The following SMG6 variants were observed in gnomAD, a reference collection of about 807,000 sequenced individuals.
SMG6 encodes SMG6 nonsense mediated mRNA decay factor.
In SMG6, 66 loss-of-function variants were observed where a neutral mutation model predicts 142.2. The observed-to-expected ratio is 0.46, with a 90% confidence interval of 0.38 to 0.57. SMG6 has a LOEUF of 0.57. Among genes scored for constraint, SMG6 ranks in the 20% least tolerant of loss-of-function variants. The probability of loss-of-function intolerance (pLI) is 0.00; values close to 1 mark genes in which losing one functional copy is unlikely to be tolerated. For missense variants in SMG6, 1,793 were observed against 1,832.0 expected (o/e 0.98, Z 0.39); for synonymous variants, 779 against 702.4 (o/e 1.11, Z -1.72).
intron 13 of SMG6, among the ~76,000 whole-genome samples, chr17:2,143,270 T>A (rs1038771744): frequency 6.6e-6 from 1 of 152,118 alleles, no homozygotes. Flanking sequence ...ACATAAAAAC[T>A]CATACACAAA....
At chr17:2,267,909 G>A (rs1193316500) in intron 8 of SMG6, among the ~76,000 whole-genome samples, 1 of 150,450 alleles carries the variant, frequency 6.6e-6, no homozygotes, top group African/African-American at 2.5e-5. Context: ...CACCACACCC[G>A]GCTAATTTTT....
chr17:2,199,143 C>T (rs16952009), intron 10 of SMG6, among the ~76,000 whole-genome samples: 48,406 of 151,796 alleles, frequency 0.32, 8,177 homozygotes, highest in Admixed American at 0.38. Context: ...AGAAACTGAG[C>T]GAGCAGTTAA....
intron 14 of SMG6, among the ~76,000 whole-genome samples, chr17:2,084,611 G>A (rs1248586909): frequency 6.6e-6 from 1 of 152,290 alleles, no homozygotes; most frequent in East Asian, 1.9e-4. Context: ...TCCTTGGCCT[G>A]TTGCTGACTT....
At chr17:2,243,320 T>C (rs2151299807) in intron 9 of SMG6, among the ~76,000 whole-genome samples, 1 of 152,336 alleles carries the variant, frequency 6.6e-6, no homozygotes, top group South Asian at 2.1e-4. Flanking sequence ...GAACCAAGCC[T>C]TTCCGCTTCT....
intron 9 of SMG6, among the ~76,000 whole-genome samples, chr17:2,241,340 T>G (rs2073796121): frequency 1.3e-5 from 2 of 152,188 alleles, no homozygotes; most frequent in Non-Finnish European, 2.9e-5. Context: ...GAAATTTTCT[T>G]ACACCTAACC....
At position 2,085,261 on chromosome 17, in the gene SMG6, GAGGGAGGGAGGGAACA is replaced by G. The variant is rs1299037722; in HGVS notation, c.3534+448_3534+463del. ...TCCTTAATCACATCAGGATGTGCAGGAGGGAGGGAGGGAACAAGGGAGGGAGGGTAGGGCAGGGGAG... is the reference window on the plus strand; with the variant it reads ...TCCTTAATCACATCAGGATGTGCAGGAGGGAGGGAGGGTAGGGCAGGGGAG... On this transcript the variant is annotated intron_variant, in intron 14 of 18. Coordinates refer to ENST00000263073, the MANE Select transcript of SMG6 (RefSeq NM_017575.5). This position sits in a 1 kb window ranked among gnomAD's most constrained non-coding sequence, Gnocchi z 4.1. 6.6e-6 allele frequency among the ~76,000 whole-genome samples: 1 copy of G among 151,344 alleles called. No homozygotes were observed. The highest frequency in any genetic ancestry group is 1.5e-5 in the Non-Finnish European group (1 of 67,828).
intron 9 of SMG6, chr17:2,237,437 T>TATCA (rs1489102120): frequency 1.2e-6 from 1 of 824,520 alleles, no homozygotes; most frequent in African/African-American, 1.9e-5. Flanking sequence ...TCTGAGGTAC[T>TATCA]ATCACACTGA....
At chr17:2,139,444 T>TG (rs1597455339) in intron 13 of SMG6, among the ~76,000 whole-genome samples, 2 of 150,756 alleles carry the variant, frequency 1.3e-5, no homozygotes, top group African/African-American at 4.9e-5. Flanking sequence ...TTTTTTGAGA[T>TG]GGAGTCTCAC....
intron 13 of SMG6, among the ~76,000 whole-genome samples, chr17:2,138,075 A>C (rs9889861): frequency 4.0e-5 from 6 of 151,756 alleles, no homozygotes; most frequent in African/African-American, 7.3e-5. Flanking sequence ...ATGGCCCAGA[A>C]CTGTGTCCAC....
intron 13 of SMG6, among the ~76,000 whole-genome samples, chr17:2,135,728 C>T (rs2070273392): frequency 6.6e-6 from 1 of 152,318 alleles, no homozygotes; most frequent in African/African-American, 2.4e-5. Context: ...CTCACTCTGT[C>T]ACCCAGGCTG....
Position 2,065,655 on chromosome 17 carries a change from G to T in SMG6, c.3860C>A (p.Ala1287Asp). The T allele has an allele frequency of 6.2e-7, 1 of 1,613,208 alleles. No homozygotes were observed. Residue 1287 changes from alanine (A) to aspartate (D), a missense_variant, in exon 17 of 19, where the codon GCC (alanine) becomes GAC (aspartate). This residue lies in a region of SMG6 where 179 missense variants were observed against 212.6 expected (regional missense o/e 0.84). Transcript: ENST00000263073. ...LIVINELDGL[A>D]KGQETDHRAG... Reference sequence around the variant, plus strand: ...CCGGTGGTCTGTCTCCTGCCCCTTGGCCAGGCCGTCCAGCTCATTGATCAC... The same window carrying T: ...CCGGTGGTCTGTCTCCTGCCCCTTGTCCAGGCCGTCCAGCTCATTGATCAC...
intron 13 of SMG6, among the ~76,000 whole-genome samples, chr17:2,134,327 C>A (rs2070219959): frequency 7.4e-6 from 1 of 135,234 alleles, no homozygotes; most frequent in African/African-American, 2.8e-5. Context: ...CCGAGGCAGG[C>A]GAATTGCTTG....
chr17:2,296,395 C>T (rs1597231144), intron 4 of SMG6, among the ~76,000 whole-genome samples: 1 of 152,172 alleles, frequency 6.6e-6, no homozygotes. Flanking sequence ...TTCCTTGGCC[C>T]CACCAGGCTA....
rs1415098009 is a variant in SMG6 at position 2,130,971 on chromosome 17, C to T, written c.3357+41687G>A. On this transcript the variant is annotated intron_variant, in intron 13 of 18. Coordinates refer to ENST00000263073, the MANE Select transcript of SMG6 (RefSeq NM_017575.5). Reference sequence around the variant, plus strand: ...TGAGCCGAGATCACGCCACTGCACTCCAGCCTGGACGACAAGAGCAAGACT... The same window carrying T: ...TGAGCCGAGATCACGCCACTGCACTTCAGCCTGGACGACAAGAGCAAGACT... 7.2e-5 allele frequency among the ~76,000 whole-genome samples: 11 copies of T among 152,064 alleles called. 1 individual carries two copies. Among genetic ancestry groups the T allele is most frequent in the Admixed American group, 7.2e-4 (11 of 15,258 alleles).
At chr17:2,127,398 T>A in intron 13 of SMG6, 4 of 679,478 alleles carry the variant, frequency 5.9e-6, no homozygotes, top group South Asian at 5.6e-5. Context: ...TAAATCCTTT[T>A]CCCCCCCTCT....
At chr17:2,229,945 G>A (rs1410744430) in intron 10 of SMG6, among the ~76,000 whole-genome samples, 3 of 151,972 alleles carry the variant, frequency 2.0e-5, no homozygotes, top group Non-Finnish European at 4.4e-5. Context: ...CAGCACTTTG[G>A]GAGGCTGAGG....
At chr17:2,152,421 C>T (rs180696501) in intron 13 of SMG6, among the ~76,000 whole-genome samples, 102 of 152,306 alleles carry the variant, frequency 6.7e-4, no homozygotes, top group African/African-American at 2.3e-3. Flanking sequence ...AGACAAGCCA[C>T]AGACTGAGAG....
At chr17:2,091,637 A>C (rs1229985531) in intron 13 of SMG6, among the ~76,000 whole-genome samples, 1 of 151,830 alleles carries the variant, frequency 6.6e-6, no homozygotes, top group Admixed American at 6.6e-5. Flanking sequence ...TTTCTATGTA[A>C]AGCGTTAAGT....
intron 15 of SMG6, among the ~76,000 whole-genome samples, chr17:2,080,883 C>T (rs1180196705): frequency 2.0e-5 from 3 of 152,208 alleles, no homozygotes; most frequent in African/African-American, 7.2e-5. Context: ...GATCCGCCCG[C>T]CTCAGCCTCC....
Sources: allele counts gnomAD v4.1 joint callset (sites outside exome capture counted in the v4.1 genomes callset), GRCh38; gene constraint gnomAD v4.1.1; regional missense constraint gnomAD v4.1.1; non-coding constraint Gnocchi (gnomAD v3.1); transcripts MANE v1.5; gene names NCBI Gene and HGNC (gene_info 2026-07-23, HGNC 2026-07-21).